SCG3: variants seen among roughly 807,000 people sequenced by gnomAD.
The protein encoded by SCG3 is secretogranin III, also known as secretogranin-3.
Under a neutral mutation model 56.2 loss-of-function variants are expected in SCG3, and 38 were observed. The ratio of observed to expected loss-of-function variants is 0.68; its 90% CI spans 0.52 to 0.89. The LOEUF is 0.89. Ranked by LOEUF, SCG3 falls within the 40% of genes least tolerant of loss-of-function variation. The pLI is 0.00. For synonymous variants in SCG3, 176 were observed against 184.2 expected (o/e 0.96, Z 0.36); for missense variants, 524 against 540.7 (o/e 0.97, Z 0.31).
At chr15:51,718,479 G>C (rs2055473801) in intron 11 of SCG3, among the ~76,000 whole-genome samples, 1 of 152,158 alleles carries the variant, frequency 6.6e-6, no homozygotes, top group African/African-American at 2.4e-5. Flanking sequence ...AAGTGACCCA[G>C]GCTCAGATTA....
chr15:51,713,262 A>T, intron 10 of SCG3, 71 bp from the exon 11 acceptor site: 1 of 995,746 alleles, frequency 1.0e-6, no homozygotes, highest in Non-Finnish European at 1.6e-6. Flanking sequence ...TTCTGAACAT[A>T]CGTGTGGTCT....
intron 10 of SCG3, among the ~76,000 whole-genome samples, chr15:51,704,240 CATACATATATATATATATATATAT>C (rs1489617841): frequency 6.8e-5 from 4 of 58,826 alleles, no homozygotes; most frequent in South Asian, 7.7e-4. Flanking sequence ...TACATACATA[CATACATATATATATATATATATAT>C]ATATATATAT....
chr15:51,698,621 G>C (rs1191777178), intron 8 of SCG3, among the ~76,000 whole-genome samples: 2 of 152,216 alleles, frequency 1.3e-5, no homozygotes, highest in Non-Finnish European at 2.9e-5. Context: ...GGATGGGATA[G>C]TCTGGCTTTG....
chr15:51,712,440 AT>A (rs930613797), intron 10 of SCG3, among the ~76,000 whole-genome samples: 2 of 152,186 alleles, frequency 1.3e-5, no homozygotes, highest in Non-Finnish European at 1.5e-5. Context: ...AGAGTGGCTG[AT>A]TTTTTTGATA....
intron 10 of SCG3, among the ~76,000 whole-genome samples, chr15:51,711,841 T>C (rs934693523): frequency 3.9e-5 from 6 of 152,140 alleles, no homozygotes; most frequent in African/African-American, 1.4e-4. Flanking sequence ...CCCCTTTTTG[T>C]GTAGTAGTCT....
At chr15:51,694,785 C>T (rs866457243) in intron 7 of SCG3, among the ~76,000 whole-genome samples, 8 of 152,312 alleles carry the variant, frequency 5.3e-5, no homozygotes, top group South Asian at 4.1e-4. Context: ...AATCCCCACA[C>T]TTTGGGAGGC....
chr15:51,712,350 T>C (rs1457235590), intron 10 of SCG3, among the ~76,000 whole-genome samples: 1 of 152,186 alleles, frequency 6.6e-6, no homozygotes, highest in African/African-American at 2.4e-5. Flanking sequence ...AAGCCTCTTT[T>C]TGTAAGCCAT....
chr15:51,687,101 G>A (rs1209027107), intron 4 of SCG3, among the ~76,000 whole-genome samples: 2 of 152,186 alleles, frequency 1.3e-5, no homozygotes, highest in African/African-American at 4.8e-5. Context: ...TTCTCTAGGA[G>A]ATAATTGCTG....
chr15:51,720,748 A>T lies in SCG3; in HGVS notation c.*1222A>T, dbSNP rs1218538498. The T allele has an allele frequency of 6.5e-6, 1 of 153,692 alleles. No homozygotes were observed. Among genetic ancestry groups the T allele is most frequent in the African/African-American group, 2.4e-5 (1 of 41,478 alleles). The allele number at this position is 153,692 out of a possible 1,614,324, so 9.5% of individuals were successfully genotyped here. On this transcript the variant is annotated 3_prime_UTR_variant, in exon 12 of 12. Coordinates refer to ENST00000220478, the MANE Select transcript of SCG3 (RefSeq NM_013243.4). Reference sequence around the variant, plus strand: ...TAAAACACACCAATCAGCGCTCTGTAGCTAGCAATAGGTTTGTAAAATGCA... The same window carrying T: ...TAAAACACACCAATCAGCGCTCTGTTGCTAGCAATAGGTTTGTAAAATGCA...
intron 10 of SCG3, among the ~76,000 whole-genome samples, chr15:51,701,504 G>T (rs1021066397): frequency 2.6e-5 from 4 of 152,190 alleles, no homozygotes; most frequent in Non-Finnish European, 4.4e-5. Context: ...AGAGGAATAT[G>T]TATGACCATT....
intron 10 of SCG3, among the ~76,000 whole-genome samples, chr15:51,707,062 T>C (rs779779231): frequency 3.9e-5 from 6 of 152,252 alleles, no homozygotes; most frequent in Non-Finnish European, 5.9e-5. Context: ...TAAGTGTGGT[T>C]CTTTTTGCCA....
intron 11 of SCG3, chr15:51,715,317 A>T (rs903074555): frequency 1.3e-5 from 2 of 152,138 alleles, no homozygotes; most frequent in Non-Finnish European, 2.9e-5. Flanking sequence ...CTGCTCTCAT[A>T]TGCGCTCGGC....
At chr15:51,694,717 A>AGGGTT (rs2055290784) in intron 7 of SCG3, among the ~76,000 whole-genome samples, 1 of 152,170 alleles carries the variant, frequency 6.6e-6, no homozygotes, top group African/African-American at 2.4e-5. Context: ...CAAGATGCAG[A>AGGGTT]ACAGAATGTC....
chr15:51,697,295 C>T (rs549027468), intron 8 of SCG3, among the ~76,000 whole-genome samples: 1 of 152,252 alleles, frequency 6.6e-6, no homozygotes, highest in South Asian at 2.1e-4. Context: ...TTCATATCAA[C>T]ACCCTGTGAG....
At chr15:51,713,110 C>G in intron 10 of SCG3, 1 of 340,568 alleles carries the variant, frequency 2.9e-6, no homozygotes, top group African/African-American at 2.2e-5. Context: ...CAACTTGATT[C>G]TTCCTCCTGG....
intron 11 of SCG3, among the ~76,000 whole-genome samples, chr15:51,717,239 G>A (rs1252361773): frequency 2.6e-5 from 4 of 152,100 alleles, no homozygotes; most frequent in Admixed American, 1.3e-4. Flanking sequence ...GTGGTGGCAC[G>A]TGCCTGTAGT....
intron 10 of SCG3, among the ~76,000 whole-genome samples, chr15:51,712,197 A>G (rs2055425124): frequency 6.6e-6 from 1 of 152,246 alleles, no homozygotes; most frequent in Admixed American, 6.5e-5. Flanking sequence ...TCCCCAGTAC[A>G]TGATAAGCAC....
At chr15:51,718,199 TAGACAGACAGACAGAC>T (rs3078130) in intron 11 of SCG3, among the ~76,000 whole-genome samples, 9 of 148,886 alleles carry the variant, frequency 6.0e-5, no homozygotes, top group Non-Finnish European at 1.0e-4. Flanking sequence ...GATAGATAGA[TAGACAGACAGACAGAC>T]AGACAGACAG....
Position 51,719,394 on chromosome 15 carries a change from A to C in SCG3, c.1289-14A>C. 3.2e-6 allele frequency: 5 copies of C among 1,585,260 alleles called. No homozygotes were observed. The highest frequency in any genetic ancestry group is 4.3e-6 in the Non-Finnish European group (5 of 1,154,644). ...CCTGATCTTTGCTCATTATGCTCTA[A>C]TAATATTTTCCAGATTATGACCTTT... On this transcript the variant is annotated splice_polypyrimidine_tract_variant and intron_variant, in intron 11 of 11. Transcript: ENST00000220478.
Sources: gnomAD v4.1 joint callset for allele counts (sites outside exome capture counted in the v4.1 genomes callset) on GRCh38, gnomAD v4.1.1 for gene constraint, MANE v1.5 for transcripts, NCBI Gene and HGNC (gene_info 2026-07-23, HGNC 2026-07-21) for gene names.